KCNIP4: variants seen among roughly 807,000 people sequenced by gnomAD.
KCNIP4 encodes Kv channel-interacting protein 4.
A neutral mutation model predicts 34.0 loss-of-function variants in KCNIP4; 12 were observed. The ratio of observed to expected loss-of-function variants is 0.35; its 90% CI spans 0.23 to 0.57. KCNIP4 has a LOEUF of 0.57. KCNIP4 is among the 20% of genes least tolerant of loss of function. The probability of loss-of-function intolerance (pLI) is 0.83; values close to 1 mark genes in which losing one functional copy is unlikely to be tolerated. For synonymous variants in KCNIP4, 124 were observed against 102.2 expected (o/e 1.21, Z -1.29); for missense variants, 238 against 311.7 (o/e 0.76, Z 1.78).
At chr4:21,427,389 C>T (rs944054361) in intron 1 of KCNIP4, among the ~76,000 whole-genome samples, 4 of 151,670 alleles carry the variant, frequency 2.6e-5, no homozygotes, top group African/African-American at 4.8e-5. Context: ...ACTTAATGAC[C>T]TTTTTAGCAG....
intron 1 of KCNIP4, among the ~76,000 whole-genome samples, chr4:21,734,205 G>T (rs1715817784): frequency 6.6e-6 from 1 of 152,040 alleles, no homozygotes; most frequent in Admixed American, 6.6e-5. Flanking sequence ...TAATAATCTA[G>T]CAATACCAAG....
chr4:21,001,903 G>A (rs1285238602), intron 1 of KCNIP4, among the ~76,000 whole-genome samples: 2 of 152,134 alleles, frequency 1.3e-5, no homozygotes, highest in Non-Finnish European at 2.9e-5. Flanking sequence ...TCACCACAAA[G>A]TAGAAGGCAT....
intron 1 of KCNIP4, among the ~76,000 whole-genome samples, chr4:21,123,831 G>T (rs191011420): frequency 1.3e-5 from 2 of 152,068 alleles, no homozygotes; most frequent in Non-Finnish European, 2.9e-5. Flanking sequence ...AAGAAAGGCC[G>T]TGTGAATGTA....
At chr4:21,061,866 C>T (rs952420380) in intron 1 of KCNIP4, among the ~76,000 whole-genome samples, 1 of 151,888 alleles carries the variant, frequency 6.6e-6, no homozygotes, top group Non-Finnish European at 1.5e-5. Context: ...GACTTGTGTC[C>T]TAATAAGAAA....
rs566484657 is a variant in KCNIP4 at position 21,186,291 on chromosome 4, A to T, written c.62-303582T>A. 2.0e-5 allele frequency among the ~76,000 whole-genome samples: 3 copies of T among 152,306 alleles called. No individual in the cohort carries two copies. The South Asian group carries it at 6.2e-4, about 32-fold the overall frequency. ...AAGAAGTATGTACTTTTCAAAGCTCAACTCCTTGTCCAGACACATCTGGCA... is the reference window on the plus strand; with the variant it reads ...AAGAAGTATGTACTTTTCAAAGCTCTACTCCTTGTCCAGACACATCTGGCA... On this transcript the variant is annotated intron_variant, in intron 1 of 8. Coordinates refer to ENST00000382152, the MANE Select transcript of KCNIP4 (RefSeq NM_025221.6).
At chr4:21,091,367 A>G (rs1746980850) in intron 1 of KCNIP4, among the ~76,000 whole-genome samples, 1 of 152,224 alleles carries the variant, frequency 6.6e-6, no homozygotes, top group Non-Finnish European at 1.5e-5. Flanking sequence ...ATTGAATGCC[A>G]TTTTATATCT....
At chr4:20,789,904 T>C (rs1712506010) in intron 3 of KCNIP4, among the ~76,000 whole-genome samples, 1 of 152,056 alleles carries the variant, frequency 6.6e-6, no homozygotes, top group Admixed American at 6.6e-5. Context: ...GCTAACTTTG[T>C]AGAAATTGGT....
chr4:21,585,664 A>C (rs558473724), intron 1 of KCNIP4, among the ~76,000 whole-genome samples: 1 of 152,150 alleles, frequency 6.6e-6, no homozygotes, highest in South Asian at 2.1e-4. Context: ...CATTGCCCGC[A>C]AAAACAATTA....
intron 1 of KCNIP4, among the ~76,000 whole-genome samples, chr4:20,889,778 A>AC (rs1280778133): frequency 3.3e-5 from 5 of 151,624 alleles, no homozygotes; most frequent in East Asian, 1.9e-4. Context: ...AAAAAAAAAA[A>AC]AAAACAAAAT....
At chr4:21,772,450 G>A (rs1718866235) in intron 1 of KCNIP4, among the ~76,000 whole-genome samples, 1 of 152,118 alleles carries the variant, frequency 6.6e-6, no homozygotes, top group Non-Finnish European at 1.5e-5. Context: ...TAATGAGTCA[G>A]GGAGGAGTCT....
intron 6 of KCNIP4, 116 bp from the exon 7 acceptor site, chr4:20,732,901 A>ATTTGTTTGTTTGT: frequency 1.6e-6 from 1 of 639,222 alleles, no homozygotes; most frequent in East Asian, 2.8e-5. Context: ...TGTTTGTTGG[A>ATTTGTTTGTTTGT]TTCTTTGTTA....
intron 1 of KCNIP4, among the ~76,000 whole-genome samples, chr4:21,115,803 C>A (rs930673963): frequency 9.2e-5 from 14 of 152,230 alleles, no homozygotes; most frequent in African/African-American, 2.9e-4. Flanking sequence ...GTATTACATT[C>A]TATTGGAATG....
chr4:21,793,803 T>C (rs1345548759), intron 1 of KCNIP4, among the ~76,000 whole-genome samples: 1 of 152,188 alleles, frequency 6.6e-6, no homozygotes, highest in Non-Finnish European at 1.5e-5. Flanking sequence ...CAAAGGATTA[T>C]AAATCATACT....
intron 1 of KCNIP4, among the ~76,000 whole-genome samples, chr4:21,062,538 G>GTGTGTA (rs796822669): frequency 5.3e-5 from 8 of 151,848 alleles, no homozygotes; most frequent in African/African-American, 1.9e-4. Flanking sequence ...GCATGTGTGT[G>GTGTGTA]TGTGTGTGTG....
intron 2 of KCNIP4, among the ~76,000 whole-genome samples, chr4:20,864,282 G>A (rs74672075): frequency 1.3e-5 from 2 of 150,772 alleles, no homozygotes; most frequent in Admixed American, 6.6e-5. Flanking sequence ...ACATATGTAT[G>A]CATATATGTA....
At chr4:21,513,116 G>A (rs552412512) in intron 1 of KCNIP4, among the ~76,000 whole-genome samples, 126 of 152,142 alleles carry the variant, frequency 8.3e-4, no homozygotes, top group Non-Finnish European at 1.1e-3. Context: ...AGAAACACTA[G>A]TCATTTGTGG....
chr4:21,659,956 T>C lies in KCNIP4; in HGVS notation c.61+288615A>G, dbSNP rs1253990179. On this transcript the variant is annotated intron_variant, in intron 1 of 8. Transcript: ENST00000382152. ...CTTTTCGTTTGTTCCATGTGTAGCC[T>C]ATATTTTAGCTATAGGTTAATCACC... is the stretch of plus-strand genomic sequence containing the variant. Among the ~76,000 whole-genome samples the C allele has an allele frequency of 3.3e-5, 5 of 152,196 alleles. No homozygotes were observed. In the East Asian group the frequency reaches 7.7e-4, roughly 23 times the overall value.
At chr4:21,531,756 T>C (rs1411586797) in intron 1 of KCNIP4, among the ~76,000 whole-genome samples, 1 of 152,082 alleles carries the variant, frequency 6.6e-6, no homozygotes, top group African/African-American at 2.4e-5. Context: ...ATAATAATGA[T>C]GACAATGGGG....
intron 1 of KCNIP4, among the ~76,000 whole-genome samples, chr4:20,972,728 A>G (rs1001643160): frequency 2.0e-5 from 3 of 152,188 alleles, no homozygotes; most frequent in Admixed American, 2.0e-4. Context: ...AAGCTTCCAC[A>G]GCATGGAAAG....
Sources: gnomAD v4.1 joint callset for allele counts (sites outside exome capture counted in the v4.1 genomes callset) on GRCh38, gnomAD v4.1.1 for gene constraint, MANE v1.5 for transcripts, NCBI Gene and HGNC (gene_info 2026-07-23, HGNC 2026-07-21) for gene names.